PLEK2: variants seen among roughly 807,000 people sequenced by gnomAD.
PLEK2 encodes the protein pleckstrin-2.
Under a neutral mutation model 43.8 loss-of-function variants are expected in PLEK2, and 29 were observed. That is an observed-to-expected ratio of 0.66 (90% CI 0.49 to 0.90). The LOEUF (loss-of-function observed/expected upper bound fraction) is 0.90. Among genes scored for constraint, PLEK2 ranks in the 40% least tolerant of loss-of-function variants. The pLI, the probability that PLEK2 is intolerant of heterozygous loss-of-function variation, is 0.00. For synonymous variants in PLEK2, 162 were observed against 173.2 expected (o/e 0.94, Z 0.51); for missense variants, 398 against 448.1 (o/e 0.89, Z 1.01).
intron 1 of PLEK2, 72 bp downstream of exon 1, chr14:67,411,946 T>C: frequency 7.3e-7 from 1 of 1,371,964 alleles, no homozygotes. Flanking sequence ...GGCGCGCGTC[T>C]GGCCCCGCTC....
At chr14:67,388,379 G>T in intron 7 of PLEK2, 77 bp from the exon 8 acceptor site, 1 of 865,232 alleles carries the variant, frequency 1.2e-6, no homozygotes, top group Non-Finnish European at 2.0e-6. Context: ...TACAACTCAG[G>T]CCAGCTAAAG....
chr14:67,392,722 G>T lies in PLEK2; in HGVS notation c.609C>A (p.Ala203=), dbSNP rs1473839253. 6.2e-7 allele frequency: 1 copy of T among 1,614,206 alleles called. No homozygotes were observed. Among genetic ancestry groups the T allele is most frequent in the Non-Finnish European group, 8.5e-7 (1 of 1,180,008 alleles). The change falls in exon 5 of 9, where the codon GCC becomes GCA. Residue 203 remains alanine, a synonymous_variant. Transcript: ENST00000216446. ...GCTCGGCCAGATCCCCAGAGCGAATGGCTCCCATGCTTCGGACACCCACAG... is the reference window on the plus strand; with the variant it reads ...GCTCGGCCAGATCCCCAGAGCGAATTGCTCCCATGCTTCGGACACCCACAG... The part of the protein sequence containing the change: ...LRPVGVRSMG[A]IRSGDLAEQF...
At chr14:67,398,624 C>A (rs2086027515) in intron 1 of PLEK2, among the ~76,000 whole-genome samples, 1 of 148,936 alleles carries the variant, frequency 6.7e-6, no homozygotes, top group Admixed American at 7.1e-5. Context: ...ACCTGAGAAC[C>A]ACCTAAACGA....
intron 7 of PLEK2, among the ~76,000 whole-genome samples, chr14:67,389,039 T>C (rs545334728): frequency 6.6e-6 from 1 of 151,704 alleles, no homozygotes; most frequent in South Asian, 2.1e-4. Context: ...TACACAAATC[T>C]AGTATGTGCC....
At position 67,388,219 on chromosome 14, in the gene PLEK2, C is replaced by T. The variant is rs906949328; in HGVS notation, c.934+5G>A. 2 of 1,605,456 alleles carry T rather than the reference C, an allele frequency of 1.2e-6. No homozygotes were observed. Among genetic ancestry groups the T allele is most frequent in the Non-Finnish European group, 8.5e-7 (1 of 1,172,168 alleles). ...CTTCAGGCCAGGGCTGAAGTTGTACCTTACCAGTGGGAACGCCATTATCTT... is the reference window on the plus strand; with the variant it reads ...CTTCAGGCCAGGGCTGAAGTTGTACTTTACCAGTGGGAACGCCATTATCTT... On this transcript the variant is annotated splice_donor_5th_base_variant and intron_variant, in intron 8 of 8. Coordinates refer to ENST00000216446, the MANE Select transcript of PLEK2 (RefSeq NM_016445.3).
intron 8 of PLEK2, 66 bp downstream of exon 8, chr14:67,388,158 G>T (rs541180316): frequency 7.4e-5 from 72 of 974,740 alleles, no homozygotes; most frequent in Admixed American, 1.9e-4. Context: ...TCATTAGTGG[G>T]ACATTACTGA....
chr14:67,394,390 T>C (rs994869851), intron 3 of PLEK2, among the ~76,000 whole-genome samples: 3 of 151,964 alleles, frequency 2.0e-5, no homozygotes, highest in African/African-American at 7.2e-5. Flanking sequence ...AGTGAGACCC[T>C]GTCCCCAAAA....
Position 67,397,890 on chromosome 14 carries a change from G to C in PLEK2, c.43-64C>G, listed in dbSNP as rs966530436. The C allele has an allele frequency of 6.5e-6, 9 of 1,380,578 alleles. No individual in the cohort carries two copies. In the Admixed American group the frequency reaches 1.3e-4, roughly 20 times the overall value. The allele number at this position is 1,380,578 out of a possible 1,614,324, so 85.5% of individuals were successfully genotyped here. A position where few individuals can be genotyped will look rare whatever the true frequency, so the allele number is the denominator to read the frequency against. On this transcript the variant is annotated intron_variant, in intron 1 of 8. Transcript: ENST00000216446. ...GTGGGAGGGTATGGTGTTCAGGGAG[G>C]GGGTGTCTGGTGGCACAAGTAACCA...
At chr14:67,402,303 A>C (rs984699948) in intron 1 of PLEK2, among the ~76,000 whole-genome samples, 1 of 152,202 alleles carries the variant, frequency 6.6e-6, no homozygotes, top group Non-Finnish European at 1.5e-5. Context: ...TTGTGGGTAC[A>C]TAATAAGTAT....
Position 67,397,794 on chromosome 14 carries a change from C to A in PLEK2, c.75G>T (p.Trp25Cys). ...CCAGCGTGTTCTGCCGAAGGATGAA[C>A]CATCGCGCCTTCCAGTTGTGGACAA... is the stretch of plus-strand genomic sequence containing the variant. ...GHIVHNWKAR[W>C]FILRQNTLVY... The change falls in exon 2 of 9, where the codon TGG becomes TGT. Residue 25 changes from tryptophan to cysteine, a missense_variant. Coordinates refer to ENST00000216446, the MANE Select transcript of PLEK2 (RefSeq NM_016445.3). 4 of 1,612,666 alleles carry A rather than the reference C, an allele frequency of 2.5e-6. No individual in the cohort carries two copies. The highest frequency in any genetic ancestry group is 8.5e-7 in the Non-Finnish European group (1 of 1,179,372).
intron 1 of PLEK2, among the ~76,000 whole-genome samples, chr14:67,403,858 T>C (rs978518713): frequency 5.9e-5 from 9 of 151,952 alleles, no homozygotes; most frequent in African/African-American, 1.7e-4. Context: ...TCAAGACCAG[T>C]CTGGGCGCTA....
At position 67,411,955 on chromosome 14, in the gene PLEK2, T is replaced by G. The variant is rs2139913692; in HGVS notation, c.42+63A>C. 5.6e-6 allele frequency: 8 copies of G among 1,432,076 alleles called. No individual in the cohort carries two copies. The South Asian group carries it at 8.8e-5, about 16-fold the overall frequency. The allele number at this position is 1,432,076 out of a possible 1,614,324, so 88.7% of individuals were successfully genotyped here. On this transcript the variant is annotated intron_variant, in intron 1 of 8. Transcript: ENST00000216446. Reference sequence around the variant, plus strand: ...TTCCGGGGCGCGCGTCTGGCCCCGCTCTAGGGAGCCGCGTCGGCGGGGCCC... The same window carrying G: ...TTCCGGGGCGCGCGTCTGGCCCCGCGCTAGGGAGCCGCGTCGGCGGGGCCC...
intron 7 of PLEK2, 117 bp downstream of exon 7, chr14:67,390,546 T>C: frequency 2.6e-6 from 2 of 770,922 alleles, no homozygotes; most frequent in Non-Finnish European, 4.7e-6. Flanking sequence ...TGCAGCAGAC[T>C]TTACGGCGGG....
chr14:67,398,615 C>T (rs944470728), intron 1 of PLEK2, among the ~76,000 whole-genome samples: 1 of 149,028 alleles, frequency 6.7e-6, no homozygotes, highest in Non-Finnish European at 1.5e-5. Context: ...ATTCCTGCCA[C>T]CTGAGAACCA....
chr14:67,393,034 C>T (rs371249693), intron 4 of PLEK2, 116 bp downstream of exon 4: 6 of 934,330 alleles, frequency 6.4e-6, no homozygotes, highest in East Asian at 4.8e-5. Context: ...CTCAGGCTAG[C>T]CTGTTGCCCA....
intron 1 of PLEK2, among the ~76,000 whole-genome samples, chr14:67,402,687 T>C (rs2086056732): frequency 6.6e-6 from 1 of 152,252 alleles, no homozygotes; most frequent in Admixed American, 6.5e-5. Flanking sequence ...CATTTGTCTC[T>C]CTGTGCCTGG....
intron 1 of PLEK2, among the ~76,000 whole-genome samples, chr14:67,409,539 T>G (rs1231327892): frequency 6.6e-6 from 1 of 152,164 alleles, no homozygotes; most frequent in African/African-American, 2.4e-5. Context: ...CGGCAGTGCT[T>G]CTGTCTCTTC....
intron 1 of PLEK2, among the ~76,000 whole-genome samples, chr14:67,400,049 A>G (rs1043255887): frequency 6.6e-6 from 1 of 152,296 alleles, no homozygotes; most frequent in Non-Finnish European, 1.5e-5. Flanking sequence ...TTAGTTCTCA[A>G]TCTCTGGTGC....
At chr14:67,393,674 G>A (rs1317566993) in intron 3 of PLEK2, among the ~76,000 whole-genome samples, 1 of 152,016 alleles carries the variant, frequency 6.6e-6, no homozygotes, top group Admixed American at 6.5e-5. Context: ...GGCTGGTCTC[G>A]AACTCCTGAC....
Sources: allele counts gnomAD v4.1 joint callset (sites outside exome capture counted in the v4.1 genomes callset), GRCh38; gene constraint gnomAD v4.1.1; transcripts MANE v1.5; gene names NCBI Gene and HGNC (gene_info 2026-07-23, HGNC 2026-07-21).